HTR4: variants seen among roughly 807,000 people sequenced by gnomAD.
HTR4 encodes the protein 5-hydroxytryptamine (serotonin) receptor 4, G protein-coupled.
A neutral mutation model predicts 36.8 loss-of-function variants in HTR4; 16 were observed. That is an observed-to-expected ratio of 0.43 (90% CI 0.29 to 0.66). The LOEUF is 0.66. Ranked by LOEUF, HTR4 falls within the 30% of genes least tolerant of loss-of-function variation. HTR4 has a pLI of 0.13. For synonymous variants in HTR4, 189 were observed against 185.1 expected (o/e 1.02, Z -0.17); for missense variants, 438 against 490.9 (o/e 0.89, Z 1.02).
At chr5:148,616,444 T>C (rs1039316781) in intron 2 of HTR4, among the ~76,000 whole-genome samples, 5 of 152,106 alleles carry the variant, frequency 3.3e-5, no homozygotes, top group African/African-American at 7.2e-5. Flanking sequence ...CCCCCTCCCA[T>C]ACCAGTCCAT....
intron 2 of HTR4, among the ~76,000 whole-genome samples, chr5:148,557,594 G>C (rs1760013305): frequency 6.6e-6 from 1 of 151,962 alleles, no homozygotes. Context: ...CCCAAGAAGA[G>C]GGTCAGGGTC....
chr5:148,487,770 C>T (rs531194517), intron 6 of HTR4, among the ~76,000 whole-genome samples: 73 of 151,948 alleles, frequency 4.8e-4, no homozygotes, highest in Non-Finnish European at 9.0e-4. Context: ...GTAGAGAGAG[C>T]GAGCTTAGAG....
intron 1 of HTR4, among the ~76,000 whole-genome samples, chr5:148,638,734 A>G (rs1348824357): frequency 6.6e-6 from 1 of 152,152 alleles, no homozygotes; most frequent in African/African-American, 2.4e-5. Flanking sequence ...AGACCAAACC[A>G]TCAGCAAACT....
intron 2 of HTR4, among the ~76,000 whole-genome samples, chr5:148,565,978 A>C (rs967411720): frequency 1.3e-5 from 2 of 152,202 alleles, no homozygotes; most frequent in African/African-American, 4.8e-5. Flanking sequence ...ACAAATGTTA[A>C]AAAAGCCTTA....
intron 4 of HTR4, among the ~76,000 whole-genome samples, chr5:148,530,585 TC>T (rs1758514002): frequency 6.6e-6 from 1 of 152,206 alleles, no homozygotes; most frequent in Non-Finnish European, 1.5e-5. Flanking sequence ...GGCAGGGCCC[TC>T]ATGGAGAACC....
intron 4 of HTR4, among the ~76,000 whole-genome samples, chr5:148,540,400 G>GTGTATACA (rs1156826063): frequency 1.3e-5 from 1 of 74,326 alleles, no homozygotes; most frequent in Non-Finnish European, 2.4e-5. Context: ...TTATGTGTGT[G>GTGTATACA]TATATATATA....
chr5:148,491,078 C>G (rs956754015), intron 6 of HTR4, among the ~76,000 whole-genome samples: 1 of 152,166 alleles, frequency 6.6e-6, no homozygotes, highest in African/African-American at 2.4e-5. Flanking sequence ...CACACATTTA[C>G]ATGGGAATAT....
At chr5:148,626,818 C>A (rs1561657915) in intron 2 of HTR4, among the ~76,000 whole-genome samples, 1 of 152,142 alleles carries the variant, frequency 6.6e-6, no homozygotes, top group Non-Finnish European at 1.5e-5. Context: ...GACCATAGAG[C>A]AGATATGATT....
chr5:148,653,959 C>A lies in HTR4; in HGVS notation c.-48+103G>T, dbSNP rs897508427. ...AAGCCGGGTGTCCTGAGTCCAGAAC[C>A]CCCAAGCCCCCGACCCCGTCGTGCT... On this transcript the variant is annotated intron_variant, in intron 1 of 6. Coordinates refer to ENST00000377888, the MANE Select transcript of HTR4 (RefSeq NM_000870.7). 2.3e-5 allele frequency: 17 copies of A among 749,694 alleles called. No homozygotes were observed. The African/African-American group carries it at 2.6e-4, about 12-fold the overall frequency. 46.4% of individuals were successfully genotyped at this position (749,694 alleles called of 1,614,324 possible). A position where few individuals can be genotyped will look rare whatever the true frequency, so the allele number is the denominator to read the frequency against.
intron 4 of HTR4, among the ~76,000 whole-genome samples, chr5:148,531,928 A>C (rs1257417931): frequency 6.6e-6 from 1 of 152,092 alleles, no homozygotes; most frequent in Non-Finnish European, 1.5e-5. Flanking sequence ...TTGTTGTCAC[A>C]ATTGGGAAGG....
At chr5:148,641,341 T>C (rs1753722863) in intron 1 of HTR4, among the ~76,000 whole-genome samples, 1 of 152,176 alleles carries the variant, frequency 6.6e-6, no homozygotes, top group African/African-American at 2.4e-5. Context: ...TGTGTTTTAA[T>C]GACAGTCACG....
At chr5:148,549,456 T>C (rs1759571250) in intron 3 of HTR4, among the ~76,000 whole-genome samples, 1 of 152,136 alleles carries the variant, frequency 6.6e-6, no homozygotes, top group African/African-American at 2.4e-5. Flanking sequence ...TTATACCCTC[T>C]TATGGCCCAG....
Position 148,488,592 on chromosome 5 carries a change from G to A in HTR4, c.1077-5299C>T, listed in dbSNP as rs142764951. Among the ~76,000 whole-genome samples, 1,479 of 152,156 alleles carry A rather than the reference G, an allele frequency of 9.7e-3. 18 individuals are homozygous for A. Among genetic ancestry groups the A allele is most frequent in the Middle Eastern group, 0.048 (14 of 294 alleles). On this transcript the variant is annotated intron_variant, in intron 6 of 6. Coordinates refer to ENST00000377888, the MANE Select transcript of HTR4 (RefSeq NM_000870.7). ...AATAGCATGGCATGGGTAGAGTGGTGATATGATAAAAAAAAATCATGAAAG... is the reference window on the plus strand; with the variant it reads ...AATAGCATGGCATGGGTAGAGTGGTAATATGATAAAAAAAAATCATGAAAG...
intron 2 of HTR4, among the ~76,000 whole-genome samples, chr5:148,557,066 T>C (rs1341294605): frequency 1.3e-5 from 2 of 152,116 alleles, no homozygotes; most frequent in African/African-American, 2.4e-5. Context: ...CTCAGACAAG[T>C]AGTCGGAAGC....
rs537301570 is a variant in HTR4, at chr5:148,481,905, G to C, written c.*1298C>G. 1 of 1,143,098 alleles carries C rather than the reference G, an allele frequency of 8.7e-7. No individual in the cohort carries two copies. Among genetic ancestry groups the C allele is most frequent in the East Asian group, 4.7e-5 (1 of 21,234 alleles). 70.8% of individuals were successfully genotyped at this position (1,143,098 alleles called of 1,614,324 possible). ...CTAAAAGGCCCAAATGAGGAGGGTC[G>C]TTCCTTTGAAACAAAGCCAAAAGGC... On this transcript the variant is annotated 3_prime_UTR_variant, in exon 7 of 7. Transcript: ENST00000377888.
Position 148,457,779 on chromosome 5 carries a change from T to C in HTR4, c.1077-6507A>G, listed in dbSNP as rs193196069. On this transcript the variant is annotated intron_variant, in intron 5 of 5. Transcript: ENST00000521530. Reference sequence around the variant, plus strand: ...TATATTTTGGTATATCATTAAAATATATTTTGACATATCATTAAAATATCA... The same window carrying C: ...TATATTTTGGTATATCATTAAAATACATTTTGACATATCATTAAAATATCA... Among the ~76,000 whole-genome samples, 511 of 142,504 alleles carry C rather than the reference T, an allele frequency of 3.6e-3. 8 individuals carry two copies. The highest frequency in any genetic ancestry group is 0.012 in the African/African-American group (482 of 39,000). 93.5% of individuals were successfully genotyped at this position (142,504 alleles called of 152,430 possible).
At chr5:148,492,017 C>G (rs937029094) in intron 6 of HTR4, among the ~76,000 whole-genome samples, 1 of 152,206 alleles carries the variant, frequency 6.6e-6, no homozygotes, top group Non-Finnish European at 1.5e-5. Context: ...GGGTTGAAGG[C>G]CAGGGCACCA....
intron 2 of HTR4, among the ~76,000 whole-genome samples, chr5:148,575,913 A>G (rs746510634): frequency 7.9e-5 from 12 of 151,840 alleles, no homozygotes; most frequent in Non-Finnish European, 1.5e-4. Flanking sequence ...GAAATAAAGA[A>G]CATCCAAATA....
chr5:148,639,041 T>TGG (rs974194103), intron 1 of HTR4, among the ~76,000 whole-genome samples: 21 of 152,064 alleles, frequency 1.4e-4, no homozygotes, highest in African/African-American at 4.8e-4. Flanking sequence ...AGTGAGACCC[T>TGG]GTCTCAAGAA....
Sources: allele counts gnomAD v4.1 joint callset (sites outside exome capture counted in the v4.1 genomes callset), GRCh38; gene constraint gnomAD v4.1.1; transcripts MANE v1.5; gene names NCBI Gene and HGNC (gene_info 2026-07-23, HGNC 2026-07-21).